Variants in CELF2 observed in about 807,000 individuals in gnomAD.
The protein encoded by CELF2 is CUG triplet repeat RNA-binding protein 2.
Under a neutral mutation model 62.6 loss-of-function variants are expected in CELF2, and 8 were observed. The observed-to-expected ratio is 0.13, with a 90% CI of 0.07 to 0.23. The LOEUF is 0.23. CELF2 is among the 10% of genes least tolerant of loss of function. The probability of loss-of-function intolerance (pLI) is 1.00; values close to 1 mark genes in which losing one functional copy is unlikely to be tolerated. For missense variants in CELF2, 333 were observed against 671.0 expected, an observed-to-expected ratio of 0.50 and a Z score of 5.56; for synonymous variants, 258 against 250.0, an observed-to-expected ratio of 1.03 and a Z score of -0.30.
At chr10:10,876,579 T>C (rs190122302) in intron 1 of CELF2, among the ~76,000 whole-genome samples, 1 of 152,286 alleles carries the variant, frequency 6.6e-6, no homozygotes, top group African/African-American at 2.4e-5. Flanking sequence ...GGCCGATTAC[T>C]CTGAATGCAG....
rs1009852975 is a variant in CELF2 at position 11,010,653 on chromosome 10, T to C, written c.53+5213T>C. On this transcript the variant is annotated intron_variant, in intron 1 of 12. Transcript: ENST00000416382. This position sits in a 1 kb window ranked among gnomAD's most constrained non-coding sequence, Gnocchi z 4.1. ...GACACAGTGGGAGGAACTATGACCC[T>C]GTATTCAGCCAAACACCTCCCATGA... Among the ~76,000 whole-genome samples the C allele has an allele frequency of 7.5e-4, 114 of 152,200 alleles. No individual in the cohort carries two copies. Among genetic ancestry groups the C allele is most frequent in the African/African-American group, 2.7e-3 (110 of 41,448 alleles).
chr10:11,070,708 C>A (rs953299705), intron 1 of CELF2, among the ~76,000 whole-genome samples: 1 of 152,056 alleles, frequency 6.6e-6, no homozygotes, highest in African/African-American at 2.4e-5. Flanking sequence ...AGACGATGAG[C>A]TTGTGAAGGA....
chr10:10,888,156 C>T (rs2061885794), intron 1 of CELF2, among the ~76,000 whole-genome samples: 1 of 152,134 alleles, frequency 6.6e-6, no homozygotes, highest in Non-Finnish European at 1.5e-5. Context: ...TTATGGATGA[C>T]ATAGCAAATG....
rs182559136 is a variant in CELF2, at chr10:11,157,821, C to A, written c.75-7665C>A. Among the ~76,000 whole-genome samples the A allele has an allele frequency of 6.6e-6, 1 of 152,164 alleles. No homozygotes were observed. Among genetic ancestry groups the A allele is most frequent in the African/African-American group, 2.4e-5 (1 of 41,416 alleles). ...GAGAGGGTTGTGAATCCGCACTGACCGTGTTCTCTTGCATAAATAAGTCCA... is the reference window on the plus strand; with the variant it reads ...GAGAGGGTTGTGAATCCGCACTGACAGTGTTCTCTTGCATAAATAAGTCCA... On this transcript the variant is annotated intron_variant, in intron 1 of 12. Coordinates refer to ENST00000633077, the MANE Select transcript of CELF2 (RefSeq NM_001326342.2). The surrounding 1 kb of genome is among the most constrained non-coding windows in gnomAD (Gnocchi z 4.9).
chr10:10,760,128 T>G, the CELF2 span, among the ~76,000 whole-genome samples: 3 of 152,182 alleles, frequency 2.0e-5, no homozygotes, highest in African/African-American at 7.2e-5. Context: ...GGTCTCAAAC[T>G]CCTGACCTCA....
At chr10:11,044,196 C>T (rs1415001013) in intron 1 of CELF2, among the ~76,000 whole-genome samples, 4 of 152,124 alleles carry the variant, frequency 2.6e-5, no homozygotes, top group Non-Finnish European at 4.4e-5. Context: ...CATTTTTTAC[C>T]GTTTAACAAA....
the CELF2 span, among the ~76,000 whole-genome samples, chr10:10,596,781 T>G: frequency 6.6e-6 from 1 of 152,230 alleles, no homozygotes; most frequent in Non-Finnish European, 1.5e-5. Flanking sequence ...TTTCCACCTT[T>G]TTCTCTTTTC....
chr10:11,003,236 G>T (rs192014905), upstream of CELF2, among the ~76,000 whole-genome samples: 16 of 152,200 alleles, frequency 1.1e-4, no homozygotes, highest in Middle Eastern at 0.01. The surrounding 1 kb of genome is among the most constrained non-coding windows in gnomAD (Gnocchi z 4.4). Context: ...TTAATGGTTT[G>T]GTTCAGTTCC....
At chr10:10,925,606 T>TCAG (rs2065386681) in intron 2 of CELF2, among the ~76,000 whole-genome samples, 1 of 152,066 alleles carries the variant, frequency 6.6e-6, no homozygotes, top group South Asian at 2.1e-4. Flanking sequence ...CCAAGGGATT[T>TCAG]CAGCAGCGAG....
the CELF2 span, among the ~76,000 whole-genome samples, chr10:10,494,842 A>G: frequency 6.6e-6 from 1 of 152,224 alleles, no homozygotes; most frequent in Admixed American, 6.5e-5. Flanking sequence ...ATACAACAAA[A>G]GGTCCAAATT....
At chr10:10,700,482 T>G in the CELF2 span, among the ~76,000 whole-genome samples, 1 of 152,232 alleles carries the variant, frequency 6.6e-6, no homozygotes, top group East Asian at 1.9e-4. Flanking sequence ...TGTCTCTTCC[T>G]GCTTGCAGCA....
At chr10:10,950,377 C>T (rs974069962) in intron 2 of CELF2, among the ~76,000 whole-genome samples, 27 of 151,970 alleles carry the variant, frequency 1.8e-4, no homozygotes, top group African/African-American at 6.3e-4. Context: ...GGGCAAAGGG[C>T]TCCAAAGAGT....
At chr10:11,082,909 G>A (rs1026390636) in intron 1 of CELF2, among the ~76,000 whole-genome samples, 1 of 152,178 alleles carries the variant, frequency 6.6e-6, no homozygotes, top group African/African-American at 2.4e-5. Context: ...CAGCCCCTTG[G>A]TGTGTAATGA....
At chr10:10,732,057 G>A in the CELF2 span, among the ~76,000 whole-genome samples, 1 of 152,014 alleles carries the variant, frequency 6.6e-6, no homozygotes, top group South Asian at 2.1e-4. Context: ...TCCTGGCCTG[G>A]AAAAGGGAAC....
intron 2 of CELF2, among the ~76,000 whole-genome samples, chr10:11,197,052 A>AGAGAAGGAAAGAGAGAAG (rs1565232973): frequency 3.2e-5 from 1 of 31,620 alleles, no homozygotes; most frequent in African/African-American, 1.3e-4. Context: ...AAAGAAAGAA[A>AGAGAAGGAAAGAGAGAAG]GAAAGAAAAG....
chr10:11,171,887 G>A (rs1024127783), intron 2 of CELF2, among the ~76,000 whole-genome samples: 17 of 152,130 alleles, frequency 1.1e-4, no homozygotes, highest in Admixed American at 6.5e-4. Context: ...GCCTTTGGCC[G>A]CTTTATGGAG....
chr10:10,618,345 C>A, the CELF2 span, among the ~76,000 whole-genome samples: 12 of 152,202 alleles, frequency 7.9e-5, no homozygotes, highest in Admixed American at 5.9e-4. Context: ...ATCCTCCATG[C>A]CTCTCCTTGA....
the CELF2 span, among the ~76,000 whole-genome samples, chr10:10,638,585 A>T: frequency 6.6e-6 from 1 of 152,154 alleles, no homozygotes; most frequent in South Asian, 2.1e-4. Context: ...CCTGTTATCT[A>T]ATTTATTTTG....
Position 11,332,692 on chromosome 10 carries a change from T to C in CELF2, c.*3639T>C. ...CCGCTCAGCACCCTGTTAGGATCAG[T>C]GTGTGTGGATGGGATAGCCCTGGGA... On this transcript the variant is annotated 3_prime_UTR_variant, in exon 13 of 13. Coordinates refer to ENST00000633077, the MANE Select transcript of CELF2 (RefSeq NM_001326342.2). The C allele has an allele frequency of 6.6e-6, 1 of 151,272 alleles. No individual in the cohort carries two copies. The highest frequency in any genetic ancestry group is 1.5e-5 in the Non-Finnish European group (1 of 68,052). 9.4% of individuals were successfully genotyped at this position (151,272 alleles called of 1,614,324 possible).
Sources: allele counts gnomAD v4.1 joint callset (sites outside exome capture counted in the v4.1 genomes callset), GRCh38; gene constraint gnomAD v4.1.1; non-coding constraint Gnocchi (gnomAD v3.1); transcripts MANE v1.5; gene names NCBI Gene and HGNC (gene_info 2026-07-23, HGNC 2026-07-21).